Variants in N4BP2 observed in about 807,000 individuals in gnomAD.
N4BP2 encodes NEDD4-binding protein 2.
N4BP2 carries 91 observed loss-of-function variants against 152.8 expected under a neutral mutation model. The observed-to-expected ratio is 0.60, with a 90% CI of 0.50 to 0.71. The LOEUF is 0.71. N4BP2 is among the 30% of genes least tolerant of loss of function. The pLI, the probability that N4BP2 is intolerant of heterozygous loss-of-function variation, is 0.00. For synonymous variants in N4BP2, 646 were observed against 705.3 expected (o/e 0.92, Z 1.33); for missense variants, 1,923 against 2,059.1 (o/e 0.93, Z 1.28).
At chr4:40,093,583 T>G (rs1273892832) in intron 2 of N4BP2, among the ~76,000 whole-genome samples, 1 of 144,256 alleles carries the variant, frequency 6.9e-6, no homozygotes, top group African/African-American at 2.4e-5. Context: ...ATTTTTGTAT[T>G]TGTATTATTT....
At chr4:40,162,391 A>G (rs1345877360), downstream of N4BP2, among the ~76,000 whole-genome samples, 1 of 152,076 alleles carries the variant, frequency 6.6e-6, no homozygotes, top group African/African-American at 2.4e-5. Flanking sequence ...ACCAGGAGGT[A>G]GAGGTTGCAG....
At chr4:40,085,635 TG>T (rs1240353887) in intron 2 of N4BP2, among the ~76,000 whole-genome samples, 1 of 151,900 alleles carries the variant, frequency 6.6e-6, no homozygotes, top group African/African-American at 2.4e-5. Context: ...TTAAATTTTT[TG>T]TAGAGGGAAA....
rs1717900481 is a variant in N4BP2 at position 40,121,452 on chromosome 4, G to A, written c.3341G>A (p.Cys1114Tyr). The part of the protein sequence containing the change: ...LEALKDLYER[C>Y]NKDIIWATSL... The stretch of plus-strand genomic sequence containing the variant: ...GCCCTGAAAGACTTATATGAGAGGT[G>A]CAATAAAGATATTATTTGGGCCACA... Residue 1114 changes from cysteine (C) to tyrosine (Y), a missense_variant, in exon 9 of 18, where the codon TGC (cysteine) becomes TAC (tyrosine). Cys to Tyr is a radical substitution (Grantham distance 194). Transcript: ENST00000261435. The A allele has an allele frequency of 2.5e-6, 4 of 1,613,832 alleles. No homozygotes were observed. The South Asian group carries it at 3.3e-5, about 13-fold the overall frequency.
At chr4:40,141,862 G>A (rs1720013863) in intron 14 of N4BP2, among the ~76,000 whole-genome samples, 1 of 152,204 alleles carries the variant, frequency 6.6e-6, no homozygotes, top group African/African-American at 2.4e-5. Context: ...GAGGCTGGCG[G>A]ATCACTCGCG....
At position 40,123,153 on chromosome 4, in the gene N4BP2, G is replaced by A. The variant is rs1266514761; in HGVS notation, c.4225G>A (p.Val1409Ile). 6.2e-7 allele frequency: 1 copy of A among 1,612,226 alleles called. No individual in the cohort carries two copies. The highest frequency in any genetic ancestry group is 1.3e-5 in the African/African-American group (1 of 74,984). Reference protein sequence around the residue: ...SGSLTVEDCVVHIDLNLAKVI... With the variant: ...SGSLTVEDCVIHIDLNLAKVI... ...GTCTCTAACAGTTGAAGATTGTGTG[G>A]TTCATATAGATCTGAATCTGGCGAA... is the stretch of plus-strand genomic sequence containing the variant. Residue 1409 changes from valine to isoleucine, a missense_variant, in exon 10 of 18, where the codon GTT becomes ATT. Physicochemically the swap from Val to Ile is conservative, Grantham distance 29 (BLOSUM62 3). Coordinates refer to ENST00000261435, the MANE Select transcript of N4BP2 (RefSeq NM_018177.6).
At chr4:40,180,241 G>GA in the N4BP2 span, among the ~76,000 whole-genome samples, 1,024 of 152,022 alleles carry the variant, frequency 6.7e-3, 14 homozygotes, top group African/African-American at 0.023. Context: ...ATATTCAATA[G>GA]AAAAAAATGG....
chr4:40,123,905 G>T (rs1718156380), intron 10 of N4BP2, among the ~76,000 whole-genome samples: 3 of 147,856 alleles, frequency 2.0e-5, no homozygotes, highest in African/African-American at 4.9e-5. Context: ...ATTTTTTTCA[G>T]ACCATTCTTC....
the N4BP2 span, among the ~76,000 whole-genome samples, chr4:40,173,246 A>G: frequency 1.6e-4 from 24 of 152,160 alleles, no homozygotes; most frequent in Non-Finnish European, 3.5e-4. Flanking sequence ...GTATGGACAA[A>G]TTGGCCACCC....
Position 40,154,404 on chromosome 4 carries a change from T to A in N4BP2, c.*167T>A. The A allele has an allele frequency of 2.0e-6, 1 of 496,670 alleles. No homozygotes were observed. The highest frequency in any genetic ancestry group is 3.5e-6 in the Non-Finnish European group (1 of 286,894). The allele number at this position is 496,670 out of a possible 1,614,324, so 30.8% of individuals were successfully genotyped here. ...TCAAAATGCAAGTGAGGTTTGATTT[T>A]TTACTGAATCAAATGCAAATGTTAC... On this transcript the variant is annotated 3_prime_UTR_variant, in exon 18 of 18. Transcript: ENST00000261435.
intron 6 of N4BP2, among the ~76,000 whole-genome samples, 163 bp from the exon 7 acceptor site, chr4:40,113,269 T>C (rs990494260): frequency 3.3e-5 from 5 of 152,226 alleles, no homozygotes; most frequent in African/African-American, 1.2e-4. Context: ...GCTAAATTTC[T>C]AATAGTTAAT....
chr4:40,113,233 T>C (rs1717050289), intron 6 of N4BP2, among the ~76,000 whole-genome samples, 199 bp from the exon 7 acceptor site: 1 of 152,214 alleles, frequency 6.6e-6, no homozygotes, highest in Non-Finnish European at 1.5e-5. Context: ...TATAAATAAA[T>C]GCTCTTATAT....
intron 15 of N4BP2, among the ~76,000 whole-genome samples, chr4:40,144,029 T>G (rs1268748886): frequency 6.6e-6 from 1 of 152,102 alleles, no homozygotes; most frequent in Admixed American, 6.5e-5. Flanking sequence ...CCAGGGATAC[T>G]GACTGCAGCC....
chr4:40,183,422 G>A, the N4BP2 span, among the ~76,000 whole-genome samples: 56 of 150,022 alleles, frequency 3.7e-4, 1 homozygote, highest in African/African-American at 1.2e-3. Context: ...TGCAAGCTCC[G>A]CCTCCCGGGT....
chr4:40,181,742 G>T, the N4BP2 span, among the ~76,000 whole-genome samples: 2 of 152,202 alleles, frequency 1.3e-5, no homozygotes, highest in Non-Finnish European at 2.9e-5. Context: ...GAGGTCAGGA[G>T]TTCAAGACCA....
chr4:40,184,648 T>A, the N4BP2 span, among the ~76,000 whole-genome samples: 342 of 152,144 alleles, frequency 2.2e-3, no homozygotes, highest in African/African-American at 7.0e-3. Flanking sequence ...ACGTGAAAAA[T>A]TTTTTTCATA....
chr4:40,165,791 T>C, the N4BP2 span, among the ~76,000 whole-genome samples: 3 of 152,180 alleles, frequency 2.0e-5, no homozygotes, highest in African/African-American at 4.8e-5. Flanking sequence ...AAAGAACTTA[T>C]AGGAAACATT....
the N4BP2 span, among the ~76,000 whole-genome samples, chr4:40,185,427 C>T: frequency 2.4e-4 from 36 of 151,762 alleles, 1 homozygote; most frequent in East Asian, 6.6e-3. Context: ...ATGTGAATAC[C>T]CTTTCAAAGT....
the N4BP2 span, among the ~76,000 whole-genome samples, chr4:40,164,472 T>C: frequency 6.6e-6 from 1 of 152,060 alleles, no homozygotes; most frequent in African/African-American, 2.4e-5. Flanking sequence ...AGCAGTGCAG[T>C]AGAGAGGAAG....
Position 40,120,341 on chromosome 4 carries a change from C to G in N4BP2, c.2230C>G (p.Pro744Ala). Residue 744 changes from proline to alanine, a missense_variant, in exon 9 of 18, where the codon CCA becomes GCA. Transcript: ENST00000261435. The part of the protein sequence containing the change: ...QEDCDLANSG[P>A]LQNEKSSPGE... ...AGACTGTGATCTTGCAAATAGTGGA[C>G]CACTTCAAAATGAAAAATCCTCACC... is the stretch of plus-strand genomic sequence containing the variant. 1 of 1,612,824 alleles carries G rather than the reference C, an allele frequency of 6.2e-7. No homozygotes were observed. Among genetic ancestry groups the G allele is most frequent in the Non-Finnish European group, 8.5e-7 (1 of 1,179,684 alleles).
Sources: allele counts gnomAD v4.1 joint callset (sites outside exome capture counted in the v4.1 genomes callset), GRCh38; gene constraint gnomAD v4.1.1; transcripts MANE v1.5; gene names NCBI Gene and HGNC (gene_info 2026-07-23, HGNC 2026-07-21).